STX12: variants seen among roughly 807,000 people sequenced by gnomAD.
STX12 encodes the protein syntaxin 12.
A neutral mutation model predicts 42.2 loss-of-function variants in STX12; 17 were observed. That is an observed-to-expected ratio of 0.40 (90% CI 0.28 to 0.60). The LOEUF is 0.60. Among genes scored for constraint, STX12 ranks in the 20% least tolerant of loss-of-function variants. The pLI, the probability that STX12 is intolerant of heterozygous loss-of-function variation, is 0.39. For synonymous variants in STX12, 108 were observed against 116.7 expected (o/e 0.93, Z 0.48); for missense variants, 297 against 330.9 (o/e 0.90, Z 0.79).
chr1:27,793,480 TATAACCC>T, intron 2 of STX12, 46 bp from the exon 3 acceptor site: 1 of 1,492,238 alleles, frequency 6.7e-7, no homozygotes, highest in Non-Finnish European at 9.3e-7. Flanking sequence ...TGGTTCTGTG[TATAACCC>T]TCTCAAGAAG....
chr1:27,793,757 A>G lies in STX12; in HGVS notation c.288+125A>G, dbSNP rs2088765366. The G allele has an allele frequency of 4.6e-5, 30 of 655,554 alleles. No individual in the cohort carries two copies. In the South Asian group the frequency reaches 5.8e-4, roughly 13 times the overall value. The allele number at this position is 655,554 out of a possible 1,614,324, so 40.6% of individuals were successfully genotyped here. A position where few individuals can be genotyped will look rare whatever the true frequency, so the allele number is the denominator to read the frequency against. On this transcript the variant is annotated intron_variant, in intron 3 of 8. Transcript: ENST00000373943. ...GATAGATAGACCTCCTCTGCACCTC[A>G]GTTTCTTATCCATCAAGTGGGGGAT...
intron 2 of STX12, among the ~76,000 whole-genome samples, chr1:27,791,632 G>A (rs1027610260): frequency 1.3e-5 from 2 of 152,086 alleles, no homozygotes; most frequent in African/African-American, 2.4e-5. Flanking sequence ...TGGCTAACAC[G>A]GTGAAACCCT....
chr1:27,781,182 T>G (rs2088665588), intron 1 of STX12, among the ~76,000 whole-genome samples: 1 of 152,084 alleles, frequency 6.6e-6, no homozygotes, highest in African/African-American at 2.4e-5. Context: ...TAGCTGGGAT[T>G]ACAGGCTCAT....
At chr1:27,779,645 A>C (rs1250776877) in intron 1 of STX12, among the ~76,000 whole-genome samples, 1 of 151,326 alleles carries the variant, frequency 6.6e-6, no homozygotes, top group Non-Finnish European at 1.5e-5. Context: ...ATCAGATCTT[A>C]ATATTTCACC....
At chr1:27,780,547 G>A (rs554419112) in intron 1 of STX12, among the ~76,000 whole-genome samples, 23 of 152,230 alleles carry the variant, frequency 1.5e-4, no homozygotes, top group Admixed American at 4.6e-4. Flanking sequence ...TGGACTCTCC[G>A]GGGTCAGCAG....
chr1:27,773,928 T>C lies in STX12; in HGVS notation c.118+503T>C, dbSNP rs1043191086. The C allele has an allele frequency of 7.7e-5, 12 of 155,708 alleles. No homozygotes were observed. The South Asian group carries it at 2.2e-3, about 28-fold the overall frequency. 9.6% of individuals were successfully genotyped at this position (155,708 alleles called of 1,614,324 possible). A position where few individuals can be genotyped will look rare whatever the true frequency, so the allele number is the denominator to read the frequency against. On this transcript the variant is annotated intron_variant, in intron 1 of 8. Transcript: ENST00000373943. ...TTAAGGGAAGTGGAGAGTGCATGTG[T>C]TTGGGTGACTTCATACACAGTTCTT...
chr1:27,814,719 G>A (rs1292190263), intron 6 of STX12, among the ~76,000 whole-genome samples: 11 of 151,492 alleles, frequency 7.3e-5, no homozygotes, highest in African/African-American at 2.7e-4. Flanking sequence ...GTGTGGTGGT[G>A]CATGCCTGTA....
At chr1:27,808,311 TTTTATTTATTTATTTATTTA>T (rs34435449) in intron 4 of STX12, among the ~76,000 whole-genome samples, 3,337 of 144,224 alleles carry the variant, frequency 0.023, 112 homozygotes, top group African/African-American at 0.078. Flanking sequence ...TTGCTTTGTT[TTTTATTTATTTATTTATTTA>T]TTTATTTATT....
Position 27,807,957 on chromosome 1 carries a change from G to A in STX12, c.427-2289G>A, listed in dbSNP as rs556031369. On this transcript the variant is annotated intron_variant, in intron 4 of 8. Transcript: ENST00000373943. ...ATATAAACAGTATAATTCCATTTATGTAAAGTTCAAAAACAGGCAAAATGA... is the reference window on the plus strand; with the variant it reads ...ATATAAACAGTATAATTCCATTTATATAAAGTTCAAAAACAGGCAAAATGA... Among the ~76,000 whole-genome samples the A allele has an allele frequency of 1.3e-4, 20 of 152,280 alleles. No individual in the cohort carries two copies. The South Asian group carries it at 4.1e-3, about 32-fold the overall frequency.
intron 1 of STX12, among the ~76,000 whole-genome samples, chr1:27,777,110 A>G (rs915484643): frequency 6.6e-6 from 1 of 152,212 alleles, no homozygotes; most frequent in African/African-American, 2.4e-5. Context: ...ATGTATACAC[A>G]CATACGTACA....
chr1:27,793,733 A>G (rs2088765275), intron 3 of STX12, 101 bp downstream of exon 3: 2 of 845,430 alleles, frequency 2.4e-6, no homozygotes, highest in South Asian at 3.2e-5. Flanking sequence ...TTGGTGCTAG[A>G]TAGATAGACC....
At chr1:27,797,070 G>A (rs547462230) in intron 3 of STX12, among the ~76,000 whole-genome samples, 1 of 151,682 alleles carries the variant, frequency 6.6e-6, no homozygotes, top group African/African-American at 2.4e-5. Context: ...AGGCTGGAGT[G>A]CAGTGGCGTG....
At chr1:27,814,837 C>CAAAAAAAAA (rs34514169) in intron 6 of STX12, among the ~76,000 whole-genome samples, 1 of 84,588 alleles carries the variant, frequency 1.2e-5, no homozygotes. Flanking sequence ...GACTCTGTCT[C>CAAAAAAAAA]AAAAAAAAAA....
intron 2 of STX12, among the ~76,000 whole-genome samples, chr1:27,789,930 A>G (rs1024361263): frequency 5.9e-5 from 9 of 152,164 alleles, no homozygotes; most frequent in Middle Eastern, 6.8e-3. Flanking sequence ...TCTGCTCACA[A>G]CTCTGCCTAA....
At chr1:27,805,778 GA>G (rs2088859135) in intron 4 of STX12, among the ~76,000 whole-genome samples, 1 of 152,124 alleles carries the variant, frequency 6.6e-6, no homozygotes, top group Non-Finnish European at 1.5e-5. Flanking sequence ...TGTTCTGGTT[GA>G]AGTATCTGAA....
rs759442277 is a variant in STX12, at chr1:27,819,741, G to A, written c.732+9G>A. 26 of 1,612,120 alleles carry A rather than the reference G, an allele frequency of 1.6e-5. No homozygotes were observed. Among genetic ancestry groups the A allele is most frequent in the Admixed American group, 5.0e-5 (3 of 59,840 alleles). On this transcript the variant is annotated intron_variant, in intron 8 of 8. Coordinates refer to ENST00000373943, the MANE Select transcript of STX12 (RefSeq NM_177424.3). ...GAGCTGCTTACTATCAGGTAAAAGC[G>A]GGTACCAAAGAAAGTCACTCTGTGT...
intron 4 of STX12, among the ~76,000 whole-genome samples, chr1:27,808,132 CT>C (rs2088876758): frequency 6.6e-6 from 1 of 151,844 alleles, no homozygotes; most frequent in Admixed American, 6.6e-5. Context: ...AATGTTATTT[CT>C]TGATCTGGGG....
intron 1 of STX12, among the ~76,000 whole-genome samples, chr1:27,782,773 T>C (rs745350996): frequency 2.6e-5 from 4 of 152,080 alleles, no homozygotes; most frequent in Non-Finnish European, 5.9e-5. Context: ...GAGGTGGAGG[T>C]TGCAGTGAGC....
In STX12 at chr1:27,822,420, T is replaced by C. The variant is rs1435534826; in HGVS notation, c.*91T>C. 3 of 826,298 alleles carry C rather than the reference T, an allele frequency of 3.6e-6. No individual in the cohort carries two copies. In the African/African-American group the frequency reaches 5.0e-5, roughly 14 times the overall value. 51.2% of individuals were successfully genotyped at this position (826,298 alleles called of 1,614,324 possible). A position where few individuals can be genotyped will look rare whatever the true frequency, so the allele number is the denominator to read the frequency against. On this transcript the variant is annotated 3_prime_UTR_variant, in exon 9 of 9. Transcript: ENST00000373943. ...ACAAACTGATCACAAGAAGACAGCATATATCAGAACGTCCTGTAATCATTT... is the reference window on the plus strand; with the variant it reads ...ACAAACTGATCACAAGAAGACAGCACATATCAGAACGTCCTGTAATCATTT...
Sources: allele counts gnomAD v4.1 joint callset (sites outside exome capture counted in the v4.1 genomes callset), GRCh38; gene constraint gnomAD v4.1.1; transcripts MANE v1.5; gene names NCBI Gene and HGNC (gene_info 2026-07-23, HGNC 2026-07-21).